Variants in SIPA1L2 observed in about 807,000 individuals in gnomAD.
SIPA1L2 encodes the protein signal-induced proliferation-associated 1-like protein 2.
Under a neutral mutation model 163.9 loss-of-function variants are expected in SIPA1L2, and 56 were observed. That is an observed-to-expected ratio of 0.34 (90% CI 0.28 to 0.43). SIPA1L2 has a LOEUF of 0.43. SIPA1L2 is among the 20% of genes least tolerant of loss of function. The probability of loss-of-function intolerance (pLI) is 1.00; values close to 1 mark genes in which losing one functional copy is unlikely to be tolerated. For missense variants in SIPA1L2, 1,974 were observed against 2,193.5 expected, an observed-to-expected ratio of 0.90 and a Z score of 2.00; for synonymous variants, 877 against 865.7, an observed-to-expected ratio of 1.01 and a Z score of -0.23.
chr1:232,549,010 A>G (rs1658223057), intron 2 of SIPA1L2, among the ~76,000 whole-genome samples: 1 of 152,240 alleles, frequency 6.6e-6, no homozygotes, highest in African/African-American at 2.4e-5. Flanking sequence ...ACACTGAAAA[A>G]GGGGATTCTG....
Position 232,403,539 on chromosome 1 carries a change from C to G in SIPA1L2, c.4849G>C (p.Asp1617His). ...TCCAGGTCCTGCCCATGCTGCATAT[C>G]TGTCAGGGTGCAGAAGGATGCCACC... is the stretch of plus-strand genomic sequence containing the variant. ...QRVASFCTLT[D>H]MQHGQDLEGA... is the part of the protein sequence containing the mutation. The change falls in exon 21 of 23, where the codon GAT becomes CAT. Residue 1617 changes from aspartate (D) to histidine (H), a missense_variant. Coordinates refer to ENST00000674635, the MANE Select transcript of SIPA1L2 (RefSeq NM_020808.5). 1 of 1,614,080 alleles carries G rather than the reference C, an allele frequency of 6.2e-7. No individual in the cohort carries two copies. Among genetic ancestry groups the G allele is most frequent in the South Asian group, 1.1e-5 (1 of 91,058 alleles).
chr1:232,628,180 C>T (rs977386124), intron 1 of SIPA1L2, among the ~76,000 whole-genome samples: 16 of 152,158 alleles, frequency 1.1e-4, no homozygotes, highest in Non-Finnish European at 2.1e-4. Context: ...GCTGAAACTA[C>T]GGGCTATTGT....
chr1:232,553,085 C>T (rs1439482375), intron 2 of SIPA1L2, among the ~76,000 whole-genome samples: 2 of 152,210 alleles, frequency 1.3e-5, no homozygotes, highest in African/African-American at 4.8e-5. Context: ...CATCAGGTCA[C>T]ACACAGACTT....
intron 1 of SIPA1L2, among the ~76,000 whole-genome samples, chr1:232,576,499 C>T (rs34019543): frequency 0.087 from 13,239 of 151,930 alleles, 620 homozygotes; most frequent in South Asian, 0.11. Flanking sequence ...CTCTCTCTCT[C>T]CTCAGACCTC....
At chr1:232,595,875 G>A (rs1213250598) in intron 1 of SIPA1L2, among the ~76,000 whole-genome samples, 1 of 152,114 alleles carries the variant, frequency 6.6e-6, no homozygotes, top group Non-Finnish European at 1.5e-5. Context: ...TCTTTCTAAT[G>A]CTAGTACCGA....
intron 2 of SIPA1L2, among the ~76,000 whole-genome samples, chr1:232,543,845 G>C (rs1657844811): frequency 6.6e-6 from 1 of 152,166 alleles, no homozygotes; most frequent in Middle Eastern, 3.2e-3. Flanking sequence ...TCCAGACTGG[G>C]TGACAGAGCT....
At chr1:232,476,457 GT>G in intron 7 of SIPA1L2, among the ~76,000 whole-genome samples, 1 of 152,068 alleles carries the variant, frequency 6.6e-6, no homozygotes, top group East Asian at 1.9e-4. Context: ...AAAGAATTTC[GT>G]TGCCAAAGTG....
Position 232,513,960 on chromosome 1 carries a change from C to T in SIPA1L2, c.1380G>A (p.Val460=). ...CTNAGVSVLE[V]PRENQPIHRE... ...TGTGAATAGGCTGGTTTTCTCTGGG[C>T]ACTTCCAAGACGGAGACACCTGCAT... The change falls in exon 3 of 23, where the codon GTG becomes GTA. Residue 460 remains valine (V), a synonymous_variant. Transcript: ENST00000674635. The T allele has an allele frequency of 6.2e-7, 1 of 1,614,184 alleles. No homozygotes were observed. Among genetic ancestry groups the T allele is most frequent in the Middle Eastern group, 1.6e-4 (1 of 6,062 alleles).
At chr1:232,468,335 T>C (rs965768395) in intron 8 of SIPA1L2, among the ~76,000 whole-genome samples, 1 of 152,214 alleles carries the variant, frequency 6.6e-6, no homozygotes, top group Admixed American at 6.5e-5. Context: ...TTCCTTAATA[T>C]GCACATGAAA....
intron 10 of SIPA1L2, among the ~76,000 whole-genome samples, chr1:232,453,578 T>A (rs941567867): frequency 7.2e-5 from 11 of 152,194 alleles, no homozygotes; most frequent in African/African-American, 2.4e-4. Context: ...GTGCTCCACA[T>A]ACATCATCTG....
At chr1:232,575,167 A>C (rs1222100582) in intron 1 of SIPA1L2, among the ~76,000 whole-genome samples, 1 of 152,174 alleles carries the variant, frequency 6.6e-6, no homozygotes, top group Admixed American at 6.5e-5. Flanking sequence ...TGGAGTATAC[A>C]CTTCAGACAA....
chr1:232,613,453 C>A (rs1662351556), intron 1 of SIPA1L2, among the ~76,000 whole-genome samples: 1 of 152,170 alleles, frequency 6.6e-6, no homozygotes, highest in South Asian at 2.1e-4. Flanking sequence ...TAGCAAACCA[C>A]CCACTTTTAT....
chr1:232,493,881 G>A (rs1157518039), intron 3 of SIPA1L2, among the ~76,000 whole-genome samples: 2 of 152,084 alleles, frequency 1.3e-5, no homozygotes, highest in Admixed American at 1.3e-4. Context: ...CTTTTCACTA[G>A]TTCATGAACA....
intron 2 of SIPA1L2, among the ~76,000 whole-genome samples, chr1:232,541,514 T>C (rs1657678104): frequency 6.6e-6 from 1 of 152,192 alleles, no homozygotes. Flanking sequence ...AATTTATTTT[T>C]CCCCAAAAAC....
intron 19 of SIPA1L2, among the ~76,000 whole-genome samples, chr1:232,410,916 T>A (rs1660916870): frequency 1.3e-5 from 2 of 152,224 alleles, no homozygotes; most frequent in Admixed American, 6.5e-5. Flanking sequence ...ATACCAGTAT[T>A]TTGTGCAGAA....
chr1:232,585,380 T>C (rs1660603310), intron 1 of SIPA1L2, among the ~76,000 whole-genome samples: 1 of 152,176 alleles, frequency 6.6e-6, no homozygotes, highest in African/African-American at 2.4e-5. Context: ...TATATGGAAA[T>C]GGTCATAGGA....
In SIPA1L2 at chr1:232,411,691, C is replaced by CT. The variant is rs71688821; in HGVS notation, c.4762+3802dup. On this transcript the variant is annotated intron_variant, in intron 19 of 22. Coordinates refer to ENST00000674635, the MANE Select transcript of SIPA1L2 (RefSeq NM_020808.5). Reference sequence around the variant, plus strand: ...GTACAGTTAAGTTAGTTAATTTTCCCTTTTTGCCATTGAAATAAATGCTTC... The same window carrying CT: ...GTACAGTTAAGTTAGTTAATTTTCCCTTTTTTGCCATTGAAATAAATGCTTC... Among the ~76,000 whole-genome samples the CT allele has an allele frequency of 0.034, 5,222 of 151,786 alleles. 729 individuals carry two copies. The East Asian group carries it at 0.48, about 14-fold the overall frequency.
At chr1:232,474,237 CTTA>C (rs1311708586) in intron 7 of SIPA1L2, among the ~76,000 whole-genome samples, 1 of 152,306 alleles carries the variant, frequency 6.6e-6, no homozygotes, top group East Asian at 1.9e-4. Context: ...AGAGAACCAA[CTTA>C]TTAGTGTCTT....
At chr1:232,408,349 T>A (rs1282147517) in intron 19 of SIPA1L2, among the ~76,000 whole-genome samples, 1 of 152,148 alleles carries the variant, frequency 6.6e-6, no homozygotes, top group Non-Finnish European at 1.5e-5. Flanking sequence ...TTAATTTTTT[T>A]AAATGCACAA....
Sources: gnomAD v4.1 joint callset for allele counts (sites outside exome capture counted in the v4.1 genomes callset) on GRCh38, gnomAD v4.1.1 for gene constraint, MANE v1.5 for transcripts, NCBI Gene and HGNC (gene_info 2026-07-23, HGNC 2026-07-21) for gene names.